The following FGGY variants were observed in gnomAD, a reference collection of about 807,000 sequenced individuals.
FGGY encodes the protein FGGY carbohydrate kinase domain containing.
FGGY carries 72 observed loss-of-function variants against 71.3 expected under a neutral mutation model. That is an observed-to-expected ratio of 1.01 (90% confidence interval 0.84 to 1.23). The LOEUF is 1.23. Among genes scored for constraint, FGGY ranks in the 50% most tolerant of loss-of-function variants. The pLI is 0.00. For missense variants in FGGY, 668 were observed against 682.3 expected, an observed-to-expected ratio of 0.98 and a Z score of 0.23; for synonymous variants, 251 against 250.3, an observed-to-expected ratio of 1.00 and a Z score of -0.02.
chr1:59,641,413 C>G, intron 11 of FGGY: 1 of 1,361,496 alleles, frequency 7.3e-7, no homozygotes, highest in South Asian at 1.2e-5. Flanking sequence ...TGAATACCTG[C>G]TATGTGCAGG....
chr1:59,395,362 TA>T (rs1401452226), intron 5 of FGGY, among the ~76,000 whole-genome samples: 1 of 152,208 alleles, frequency 6.6e-6, no homozygotes, highest in Non-Finnish European at 1.5e-5. Flanking sequence ...TATTCTAATT[TA>T]AAAGGTGTTT....
chr1:59,415,639 G>A (rs1305364276), intron 5 of FGGY, among the ~76,000 whole-genome samples: 1 of 152,176 alleles, frequency 6.6e-6, no homozygotes, highest in East Asian at 1.9e-4. Context: ...AGCTCCTGCA[G>A]CTCCTGGGCT....
At chr1:59,304,212 T>C (rs2043143141) in intron 1 of FGGY, among the ~76,000 whole-genome samples, 1 of 152,164 alleles carries the variant, frequency 6.6e-6, no homozygotes, top group Non-Finnish European at 1.5e-5. Context: ...ATGTTGCAGG[T>C]CTTATGTTTA....
intron 6 of FGGY, among the ~76,000 whole-genome samples, chr1:59,504,458 T>A (rs1311077782): frequency 2.0e-5 from 3 of 152,160 alleles, no homozygotes; most frequent in Non-Finnish European, 4.4e-5. Flanking sequence ...CTGTGAGATC[T>A]GATGCAATCT....
chr1:59,617,786 C>G (rs2096770706), intron 9 of FGGY, among the ~76,000 whole-genome samples: 1 of 152,076 alleles, frequency 6.6e-6, no homozygotes, highest in South Asian at 2.1e-4. Flanking sequence ...TCCTAAGCCA[C>G]TGCTATGGTG....
At chr1:59,601,720 A>G (rs2096580093) in intron 8 of FGGY, among the ~76,000 whole-genome samples, 1 of 152,232 alleles carries the variant, frequency 6.6e-6, no homozygotes, top group South Asian at 2.1e-4. Context: ...GACGGAGACT[A>G]CATCACTTAT....
intron 14 of FGGY, among the ~76,000 whole-genome samples, chr1:59,712,445 G>A (rs2097802105): frequency 6.6e-6 from 1 of 152,212 alleles, no homozygotes; most frequent in South Asian, 2.1e-4. Flanking sequence ...CGGTACCCCA[G>A]TAGAGACTCT....
intron 5 of FGGY, among the ~76,000 whole-genome samples, chr1:59,424,871 A>T (rs1263190855): frequency 6.6e-6 from 1 of 152,244 alleles, no homozygotes; most frequent in Non-Finnish European, 1.5e-5. Context: ...CCAGTTATGA[A>T]GGATATAGGC....
chr1:59,418,511 A>AG (rs922837118), intron 5 of FGGY, among the ~76,000 whole-genome samples: 1 of 151,732 alleles, frequency 6.6e-6, no homozygotes, highest in African/African-American at 2.4e-5. Flanking sequence ...AAAAAGTTTG[A>AG]GGGGCATAGG....
intron 13 of FGGY, among the ~76,000 whole-genome samples, chr1:59,669,853 T>C (rs1336160315): frequency 6.6e-6 from 1 of 152,204 alleles, no homozygotes; most frequent in African/African-American, 2.4e-5. Context: ...GACTCCGCGC[T>C]GCAGCCCTGG....
intron 1 of FGGY, among the ~76,000 whole-genome samples, chr1:59,304,587 T>C (rs1453590092): frequency 6.6e-6 from 1 of 152,072 alleles, no homozygotes; most frequent in Non-Finnish European, 1.5e-5. Flanking sequence ...GGATTGTTTT[T>C]CTCTATTTTT....
intron 5 of FGGY, among the ~76,000 whole-genome samples, chr1:59,455,944 G>C (rs2091642756): frequency 1.3e-5 from 2 of 150,644 alleles, no homozygotes; most frequent in African/African-American, 5.0e-5. Context: ...AGAATATTAA[G>C]GGTAAATTGA....
At chr1:59,309,048 T>C (rs947995782) in intron 1 of FGGY, among the ~76,000 whole-genome samples, 1 of 152,192 alleles carries the variant, frequency 6.6e-6, no homozygotes, top group African/African-American at 2.4e-5. Flanking sequence ...AGTCAGTGCA[T>C]AAATTCTTAG....
chr1:59,307,436 G>A (rs752835421), intron 1 of FGGY, among the ~76,000 whole-genome samples: 4 of 152,048 alleles, frequency 2.6e-5, no homozygotes, highest in Non-Finnish European at 4.4e-5. Flanking sequence ...GCTATTGTTA[G>A]GATCTTTAAA....
chr1:59,598,099 A>G (rs1444320802), intron 8 of FGGY, among the ~76,000 whole-genome samples: 1 of 152,192 alleles, frequency 6.6e-6, no homozygotes. Context: ...GAATAGACCA[A>G]TATGTGTTTA....
chr1:59,307,691 AG>A (rs1457100989), intron 1 of FGGY, among the ~76,000 whole-genome samples: 1 of 152,204 alleles, frequency 6.6e-6, no homozygotes, highest in Non-Finnish European at 1.5e-5. Flanking sequence ...AAGTCTAAAA[AG>A]CATTTGGATT....
intron 9 of FGGY, among the ~76,000 whole-genome samples, chr1:59,614,992 A>G (rs2096735206): frequency 6.6e-6 from 1 of 152,246 alleles, no homozygotes; most frequent in Non-Finnish European, 1.5e-5. Context: ...GCTCAATGAA[A>G]TAAAAGAGGA....
intron 9 of FGGY, among the ~76,000 whole-genome samples, chr1:59,612,263 A>T (rs1490007556): frequency 1.3e-5 from 2 of 152,258 alleles, no homozygotes; most frequent in East Asian, 1.9e-4. Flanking sequence ...TGGGTTACCC[A>T]CAAAAGGAAG....
intron 7 of FGGY, among the ~76,000 whole-genome samples, chr1:59,513,269 A>C (rs2094559842): frequency 1.3e-5 from 2 of 152,262 alleles, no homozygotes. Flanking sequence ...ACAGAATGGA[A>C]CAGAATTGAA....
Sources: gnomAD v4.1 joint callset for allele counts (sites outside exome capture counted in the v4.1 genomes callset) on GRCh38, gnomAD v4.1.1 for gene constraint, MANE v1.5 for transcripts, NCBI Gene and HGNC (gene_info 2026-07-23, HGNC 2026-07-21) for gene names.